The following PAPOLG variants were observed in gnomAD, a reference collection of about 807,000 sequenced individuals.
The protein encoded by PAPOLG is poly(A) polymerase gamma.
Under a neutral mutation model 99.0 loss-of-function variants are expected in PAPOLG, and 40 were observed. That is an observed-to-expected ratio of 0.40 (90% confidence interval 0.31 to 0.53). The LOEUF (loss-of-function observed/expected upper bound fraction) is 0.53. Among genes scored for constraint, PAPOLG ranks in the 20% least tolerant of loss-of-function variants. The pLI is 0.41. For synonymous variants in PAPOLG, 310 were observed against 299.3 expected (o/e 1.04, Z -0.37); for missense variants, 675 against 884.1 (o/e 0.76, Z 3.00).
chr2:60,770,564 G>T, intron 6 of PAPOLG, 53 bp downstream of exon 6: 3 of 1,203,350 alleles, frequency 2.5e-6, no homozygotes, highest in South Asian at 1.5e-5. Flanking sequence ...AAACTTGTAA[G>T]TTTGTTTTCT....
intron 6 of PAPOLG, 111 bp downstream of exon 6, chr2:60,770,622 C>CTTT: frequency 1.2e-5 from 6 of 505,984 alleles, no homozygotes; most frequent in East Asian, 4.0e-5. Flanking sequence ...CAAGTAATCT[C>CTTT]TTTTTTTTTT....
chr2:60,780,719 T>C lies in PAPOLG; in HGVS notation c.846T>C (p.Asn282=). The change falls in exon 10 of 22, where the codon AAT becomes AAC. Residue 282 remains asparagine, a synonymous_variant. Transcript: ENST00000238714. ...TTATTCATGTCAGGGAATGGCCAAA[T>C]CCTGTGCTGCTGAAGCAACCAGAAG... is the stretch of plus-strand genomic sequence containing the variant. ...FLVFSKWEWP[N]PVLLKQPEES... The C allele has an allele frequency of 6.2e-7, 1 of 1,614,142 alleles. No homozygotes were observed. Among genetic ancestry groups the C allele is most frequent in the Non-Finnish European group, 8.5e-7 (1 of 1,179,994 alleles).
Position 60,768,855 on chromosome 2 carries a change from A to C in PAPOLG, c.403A>C (p.Lys135Gln). 1.2e-6 allele frequency: 2 copies of C among 1,601,824 alleles called. No individual in the cohort carries two copies. The highest frequency in any genetic ancestry group is 1.7e-6 in the Non-Finnish European group (2 of 1,173,024). The change falls in exon 5 of 22, where the codon AAA becomes CAA. Residue 135 changes from lysine (K) to glutamine (Q), a missense_variant. Physicochemically the swap from Lys to Gln is moderately conservative, Grantham distance 53. Transcript: ENST00000238714. ...RSDFFQSFFE[K>Q]LKHQDGIRNL... Reference sequence around the variant, plus strand: ...TGATTTTTTTCAGTCTTTTTTTGAAAAATTGAAACATCAAGATGGCATTAG... The same window carrying C: ...TGATTTTTTTCAGTCTTTTTTTGAACAATTGAAACATCAAGATGGCATTAG...
intron 11 of PAPOLG, 83 bp from the exon 12 acceptor site, chr2:60,782,603 T>C (rs1400520976): frequency 1.8e-5 from 24 of 1,349,578 alleles, no homozygotes; most frequent in Admixed American, 3.7e-5. Flanking sequence ...TGAGATTTTG[T>C]AGTAGTAGAG....
At position 60,760,121 on chromosome 2, in the gene PAPOLG, T is replaced by C. The variant is rs776101370; in HGVS notation, c.18-13T>C. 2.5e-6 allele frequency: 4 copies of C among 1,610,790 alleles called. No individual in the cohort carries two copies. The highest frequency in any genetic ancestry group is 1.3e-5 in the African/African-American group (1 of 74,678). The stretch of plus-strand genomic sequence containing the variant: ...TAAATTTTTTGTTTCATTTTTCTTA[T>C]TTTCTTGAACAGAAACACCGTGCTG... On this transcript the variant is annotated splice_polypyrimidine_tract_variant and intron_variant, in intron 1 of 21. Coordinates refer to ENST00000238714, the MANE Select transcript of PAPOLG (RefSeq NM_022894.4).
intron 13 of PAPOLG, 128 bp from the exon 14 acceptor site, chr2:60,786,819 C>G: frequency 8.9e-7 from 1 of 1,125,344 alleles, no homozygotes; most frequent in Non-Finnish European, 1.2e-6. Flanking sequence ...TGTGAGCCAC[C>G]ATGCCCAGCC....
intron 3 of PAPOLG, among the ~76,000 whole-genome samples, chr2:60,767,568 G>T (rs1407199553): frequency 6.6e-6 from 1 of 151,984 alleles, no homozygotes; most frequent in African/African-American, 2.4e-5. Context: ...CCAAAGTGCT[G>T]GGATTACAGG....
chr2:60,796,989 T>A, intron 21 of PAPOLG, 73 bp from the exon 22 acceptor site: 1 of 1,578,928 alleles, frequency 6.3e-7, no homozygotes, highest in Non-Finnish European at 8.6e-7. Flanking sequence ...GTTTTGTGAC[T>A]GACTTTCTAG....
At chr2:60,791,278 C>T (rs929220754) in intron 15 of PAPOLG, among the ~76,000 whole-genome samples, 22 of 152,116 alleles carry the variant, frequency 1.4e-4, no homozygotes, top group Admixed American at 9.2e-4. Flanking sequence ...TGGCTGGGCA[C>T]GGTGGCTTAC....
intron 1 of PAPOLG, among the ~76,000 whole-genome samples, chr2:60,759,508 G>A (rs1366712066): frequency 6.6e-6 from 1 of 152,154 alleles, no homozygotes; most frequent in Non-Finnish European, 1.5e-5. Flanking sequence ...TTATTTCAAT[G>A]TGAAGATGGT....
chr2:60,760,131 C>A lies in PAPOLG; in HGVS notation c.18-3C>A, dbSNP rs769701840. 2 of 1,612,314 alleles carry A rather than the reference C, an allele frequency of 1.2e-6. No individual in the cohort carries two copies. Among genetic ancestry groups the A allele is most frequent in the Admixed American group, 3.4e-5 (2 of 59,416 alleles). On this transcript the variant is annotated splice_polypyrimidine_tract_variant and splice_region_variant and intron_variant, in intron 1 of 21. Transcript: ENST00000238714. ...GTTTCATTTTTCTTATTTTCTTGAA[C>A]AGAAACACCGTGCTGGACAGCCAGC... is the stretch of plus-strand genomic sequence containing the variant.
chr2:60,769,679 T>C (rs567809272), intron 5 of PAPOLG, among the ~76,000 whole-genome samples: 1 of 152,318 alleles, frequency 6.6e-6, no homozygotes, highest in Non-Finnish European at 1.5e-5. Context: ...TCTAGTAGCC[T>C]TTCTAAATAA....
At chr2:60,768,590 A>G (rs200464929) in intron 4 of PAPOLG, 39 bp downstream of exon 4, 7 of 1,484,768 alleles carry the variant, frequency 4.7e-6, no homozygotes, top group East Asian at 2.3e-5. Flanking sequence ...AGAACATTCA[A>G]TAACAAACTC....
chr2:60,771,348 C>A, intron 6 of PAPOLG, 171 bp from the exon 7 acceptor site: 1 of 303,784 alleles, frequency 3.3e-6, no homozygotes, highest in Non-Finnish European at 4.8e-6. Flanking sequence ...TACCTTAACA[C>A]AACTTTATAG....
rs542255813 is a variant in PAPOLG at position 60,780,883 on chromosome 2, T to A, written c.906+104T>A. ...AGTTCCTCTTGTCTCTGTTCTTCCT[T>A]CTATATAACTATAGTCCCCTTCCTC... On this transcript the variant is annotated intron_variant, in intron 10 of 21. Transcript: ENST00000238714. 4.3e-6 allele frequency: 4 copies of A among 935,498 alleles called. No individual in the cohort carries two copies. In the South Asian group the frequency reaches 5.8e-5, roughly 14 times the overall value. 57.9% of individuals were successfully genotyped at this position (935,498 alleles called of 1,614,324 possible). A position where few individuals can be genotyped will look rare whatever the true frequency, so the allele number is the denominator to read the frequency against.
In PAPOLG at chr2:60,794,970, A is replaced by G; in HGVS notation, c.2062A>G (p.Ile688Val). The G allele has an allele frequency of 6.2e-7, 1 of 1,613,260 alleles. No individual in the cohort carries two copies. The highest frequency in any genetic ancestry group is 8.5e-7 in the Non-Finnish European group (1 of 1,179,730). ...TTGATTCTTCTGTTTTTAGGATGCC[A>G]TTGGAGGAGAATCTATGCCTATTCC... The part of the protein sequence containing the change: ...EERKRKSVDA[I>V]GGESMPIPTI... Residue 688 changes from isoleucine to valine, a missense_variant, in exon 21 of 22, where the codon ATT becomes GTT. By Grantham distance (29) the Ile-to-Val change is conservative. This residue lies in a region of PAPOLG where 413 missense variants were observed against 460.5 expected (regional missense o/e 0.90). Coordinates refer to ENST00000238714, the MANE Select transcript of PAPOLG (RefSeq NM_022894.4).
At chr2:60,784,120 C>G (rs1671285820) in intron 13 of PAPOLG, among the ~76,000 whole-genome samples, 1 of 152,074 alleles carries the variant, frequency 6.6e-6, no homozygotes, top group Non-Finnish European at 1.5e-5. Context: ...TTACAAGCAC[C>G]CACCACCACG....
At chr2:60,790,748 GGAGGAGGAGGA>G (rs1671506777) in intron 15 of PAPOLG, among the ~76,000 whole-genome samples, 1 of 152,172 alleles carries the variant, frequency 6.6e-6, no homozygotes, top group Non-Finnish European at 1.5e-5. Flanking sequence ...AAATTCTCAT[GGAGGAGGAGGA>G]TAGCTTGAAT....
In PAPOLG at chr2:60,794,032, A is replaced by T; in HGVS notation, c.1830A>T (p.Val610=). 1 of 1,614,000 alleles carries T rather than the reference A, an allele frequency of 6.2e-7. No individual in the cohort carries two copies. Among genetic ancestry groups the T allele is most frequent in the Non-Finnish European group, 8.5e-7 (1 of 1,179,820 alleles). Residue 610 remains valine, a synonymous_variant, in exon 19 of 22, where the codon GTA becomes GTT. Coordinates refer to ENST00000238714, the MANE Select transcript of PAPOLG (RefSeq NM_022894.4). ...CTGTGTGTACCATTCCTACCGTAGT[A>T]GGACGAAATGTCATTCCTAGAATCA... is the stretch of plus-strand genomic sequence containing the variant. ...PPTVCTIPTV[V]GRNVIPRITT...
Sources: gnomAD v4.1 joint callset for allele counts (sites outside exome capture counted in the v4.1 genomes callset) on GRCh38, gnomAD v4.1.1 for gene constraint, gnomAD v4.1.1 regional missense constraint, MANE v1.5 for transcripts, NCBI Gene and HGNC (gene_info 2026-07-23, HGNC 2026-07-21) for gene names.